The following PTPRB variants were observed in gnomAD, a reference collection of about 807,000 sequenced individuals.
The protein encoded by PTPRB is protein tyrosine phosphatase receptor type B.
PTPRB carries 97 observed loss-of-function variants against 238.1 expected under a neutral mutation model. The ratio of observed to expected loss-of-function variants is 0.41; its 90% CI spans 0.35 to 0.48. The LOEUF (loss-of-function observed/expected upper bound fraction) is 0.48, where lower values mean the gene tolerates loss of function less well. Among genes scored for constraint, PTPRB ranks in the 20% least tolerant of loss-of-function variants. The pLI, the probability that PTPRB is intolerant of heterozygous loss-of-function variation, is 0.30. For synonymous variants in PTPRB, 970 were observed against 995.4 expected (o/e 0.97, Z 0.48); for missense variants, 2,292 against 2,681.9 (o/e 0.85, Z 3.21).
rs187296298 is a variant in PTPRB at position 70,562,286 on chromosome 12, C to G, written c.4168+558G>C. Among the ~76,000 whole-genome samples, 9 of 150,986 alleles carry G rather than the reference C, an allele frequency of 6.0e-5. No homozygotes were observed. In the East Asian group the frequency reaches 1.2e-3, roughly 19 times the overall value. On this transcript the variant is annotated intron_variant, in intron 16 of 33. Transcript: ENST00000334414. ...GCAACAGAGTGAGAACTCGTCCCCC[C>G]CCAAAACATTTTTTTTTGAACAGGA...
chr12:70,555,865 C>G lies in PTPRB; in HGVS notation c.4993+5G>C. On this transcript the variant is annotated splice_donor_5th_base_variant and intron_variant, in intron 19 of 33. Coordinates refer to ENST00000334414, the MANE Select transcript of PTPRB (RefSeq NM_001109754.4). The stretch of plus-strand genomic sequence containing the variant: ...GGCTCTGTGCGCACCTCCAGGGACA[C>G]TTACGGTCTATCATTGTGATAGTGC... 6.2e-7 allele frequency: 1 copy of G among 1,611,856 alleles called. No homozygotes were observed. The highest frequency in any genetic ancestry group is 1.1e-5 in the South Asian group (1 of 90,946).
At chr12:70,542,608 C>T (rs1375176567) in intron 22 of PTPRB, 6 of 146,652 alleles carry the variant, frequency 4.1e-5, no homozygotes, top group Admixed American at 2.8e-4. Flanking sequence ...ATATATATGG[C>T]CTGGCGTGGT....
intron 2 of PTPRB, among the ~76,000 whole-genome samples, chr12:70,627,289 CAG>C (rs1241419445): frequency 6.6e-6 from 1 of 152,038 alleles, no homozygotes; most frequent in African/African-American, 2.4e-5. Flanking sequence ...AGAGACTAAA[CAG>C]AGTCAGGGAA....
intron 4 of PTPRB, among the ~76,000 whole-genome samples, chr12:70,598,157 G>A (rs567695105): frequency 7.7e-4 from 118 of 152,278 alleles, no homozygotes; most frequent in African/African-American, 2.7e-3. Context: ...GGGTTTGACA[G>A]CCCGGGCTTG....
chr12:70,540,296 G>T, intron 23 of PTPRB: 2 of 320,520 alleles, frequency 6.2e-6, no homozygotes, highest in South Asian at 1.2e-4. Context: ...ATAAAACTTT[G>T]CTTTAAAAAA....
chr12:70,626,756 G>A (rs1885223135), intron 2 of PTPRB, among the ~76,000 whole-genome samples: 6 of 151,854 alleles, frequency 4.0e-5, no homozygotes, highest in Admixed American at 3.3e-4. Flanking sequence ...GTTACTGAAG[G>A]ATGACTGTAC....
chr12:70,534,338 A>C, intron 31 of PTPRB, 150 bp downstream of exon 31: 1 of 776,062 alleles, frequency 1.3e-6, no homozygotes, highest in Non-Finnish European at 2.0e-6. Context: ...AAGGGGAGGA[A>C]CGTTATAAAA....
At chr12:70,636,691 C>T (rs567681504) in intron 1 of PTPRB, among the ~76,000 whole-genome samples, 58 of 152,256 alleles carry the variant, frequency 3.8e-4, no homozygotes, top group African/African-American at 1.3e-3. Flanking sequence ...TTCCTTTAGT[C>T]GTGGAGAGGA....
At chr12:70,609,777 G>A (rs1353704212) in intron 3 of PTPRB, 2 of 1,587,020 alleles carry the variant, frequency 1.3e-6, no homozygotes, top group East Asian at 2.3e-5. Flanking sequence ...CAGGCTCAGT[G>A]TGATCCACAA....
At chr12:70,526,917 G>C (rs1445130540) in intron 32 of PTPRB, among the ~76,000 whole-genome samples, 1 of 152,146 alleles carries the variant, frequency 6.6e-6, no homozygotes. Context: ...AATTTGCCTT[G>C]CCTTAAATAC....
At chr12:70,530,600 C>T (rs1259187897) in intron 32 of PTPRB, among the ~76,000 whole-genome samples, 1 of 152,030 alleles carries the variant, frequency 6.6e-6, no homozygotes, top group African/African-American at 2.4e-5. Context: ...TAAAATATTT[C>T]AGTGGGATAA....
chr12:70,561,002 A>C (rs1344931956), intron 16 of PTPRB, 68 bp from the exon 17 acceptor site: 3 of 1,476,378 alleles, frequency 2.0e-6, no homozygotes, highest in Non-Finnish European at 2.8e-6. Context: ...CACAGGTGAG[A>C]GTATATGCTA....
intron 2 of PTPRB, among the ~76,000 whole-genome samples, 161 bp downstream of exon 2, chr12:70,635,510 G>A (rs986482947): frequency 2.6e-5 from 4 of 152,104 alleles, no homozygotes; most frequent in Non-Finnish European, 5.9e-5. Flanking sequence ...CATTGGGCAC[G>A]TCACCATCCA....
intron 2 of PTPRB, among the ~76,000 whole-genome samples, chr12:70,633,232 T>C (rs1031519107): frequency 9.9e-5 from 15 of 152,200 alleles, no homozygotes; most frequent in Admixed American, 3.9e-4. Context: ...GTAGCTACTC[T>C]AGCAAGTCAG....
Position 70,539,640 on chromosome 12 carries a change from T to TA in PTPRB, c.5762dup (p.Ser1922IlefsTer17). 6.4e-7 allele frequency: 1 copy of TA among 1,566,540 alleles called. No homozygotes were observed. Among genetic ancestry groups the TA allele is most frequent in the South Asian group, 1.2e-5 (1 of 86,646 alleles). Reference sequence around the variant, plus strand: ...TGAGTTGTACCTCGTATTCCTTGGATAGAAGGTAGTTGGAGTCAGCCTGTA... The same window carrying TA: ...TGAGTTGTACCTCGTATTCCTTGGATAAGAAGGTAGTTGGAGTCAGCCTGTA... On this transcript the variant is annotated frameshift_variant, in exon 26 of 34. Transcript: ENST00000334414. LOFTEE classifies it high-confidence loss of function.
In PTPRB at chr12:70,637,412, G is replaced by C; in HGVS notation, c.-17C>G. ...AGCCTCCATTTTCCACTTAGCAACT[G>C]TTCATGCTTCGCTTGGGGAAAAAAA... is the stretch of plus-strand genomic sequence containing the variant. On this transcript the variant is annotated 5_prime_UTR_variant, in exon 1 of 34. Coordinates refer to ENST00000334414, the MANE Select transcript of PTPRB (RefSeq NM_001109754.4). 6.2e-7 allele frequency: 1 copy of C among 1,603,668 alleles called. No individual in the cohort carries two copies. The highest frequency in any genetic ancestry group is 1.3e-5 in the African/African-American group (1 of 74,810).
At chr12:70,538,863 G>A in intron 27 of PTPRB, 61 bp downstream of exon 27, 1 of 1,331,012 alleles carries the variant, frequency 7.5e-7, no homozygotes, top group South Asian at 1.2e-5. Flanking sequence ...TTTCATTTTT[G>A]GAGAAAAATG....
chr12:70,615,532 T>G (rs1278544163), intron 3 of PTPRB, among the ~76,000 whole-genome samples: 1 of 152,262 alleles, frequency 6.6e-6, no homozygotes, highest in Non-Finnish European at 1.5e-5. Flanking sequence ...AAATGGGCTT[T>G]ACATAGCTTT....
chr12:70,598,190 C>T (rs1883193014), intron 4 of PTPRB, among the ~76,000 whole-genome samples: 3 of 151,950 alleles, frequency 2.0e-5, no homozygotes, highest in African/African-American at 4.8e-5. Context: ...CTATTTGTAG[C>T]TGTGTGCTTT....
Sources: gnomAD v4.1 joint callset for allele counts (sites outside exome capture counted in the v4.1 genomes callset) on GRCh38, gnomAD v4.1.1 for gene constraint, MANE v1.5 for transcripts, NCBI Gene and HGNC (gene_info 2026-07-23, HGNC 2026-07-21) for gene names.